Variants in IREB2 observed in about 807,000 individuals in gnomAD.
The protein encoded by IREB2 is iron-responsive element-binding protein 2.
Under a neutral mutation model 118.8 loss-of-function variants are expected in IREB2, and 39 were observed. The observed-to-expected ratio is 0.33, with a 90% CI of 0.25 to 0.43. The LOEUF (loss-of-function observed/expected upper bound fraction) is 0.43. Among genes scored for constraint, IREB2 ranks in the 20% least tolerant of loss-of-function variants. The pLI is 1.00. For synonymous variants in IREB2, 372 were observed against 392.2 expected (o/e 0.95, Z 0.61); for missense variants, 900 against 1,147.3 (o/e 0.78, Z 3.11).
At chr15:78,441,815 T>G (rs1452355662) in intron 2 of IREB2, among the ~76,000 whole-genome samples, 2 of 152,254 alleles carry the variant, frequency 1.3e-5, no homozygotes, top group African/African-American at 4.8e-5. Flanking sequence ...AATGTAATAA[T>G]AGAATACCTG....
At chr15:78,470,781 A>C (rs1249462262) in intron 6 of IREB2, 180 bp downstream of exon 6, 2 of 360,118 alleles carry the variant, frequency 5.6e-6, no homozygotes, top group Non-Finnish European at 9.6e-6. Context: ...TGCAGCCTCC[A>C]CCTCCTGGGT....
intron 2 of IREB2, among the ~76,000 whole-genome samples, chr15:78,454,965 C>T (rs1415084784): frequency 6.6e-6 from 1 of 152,062 alleles, no homozygotes; most frequent in African/African-American, 2.4e-5. Context: ...GCTGGGATTA[C>T]AGGCATGAGC....
chr15:78,442,050 G>T (rs997041595), intron 2 of IREB2, among the ~76,000 whole-genome samples: 2 of 151,914 alleles, frequency 1.3e-5, no homozygotes, highest in Non-Finnish European at 2.9e-5. Flanking sequence ...GGTACTATAG[G>T]CGTGCATCAC....
chr15:78,454,354 A>G (rs544456797), intron 2 of IREB2, among the ~76,000 whole-genome samples: 28 of 152,338 alleles, frequency 1.8e-4, no homozygotes, highest in African/African-American at 6.3e-4. Context: ...GTAAAAAGAA[A>G]TTGACTACAG....
chr15:78,441,650 A>C (rs2050846168), intron 2 of IREB2, among the ~76,000 whole-genome samples: 1 of 152,224 alleles, frequency 6.6e-6, no homozygotes, highest in African/African-American at 2.4e-5. Context: ...AAACTGTCAA[A>C]AACAACTGTA....
At chr15:78,483,144 G>A (rs2051604575) in intron 10 of IREB2, among the ~76,000 whole-genome samples, 174 bp from the exon 11 acceptor site, 1 of 152,106 alleles carries the variant, frequency 6.6e-6, no homozygotes, top group South Asian at 2.1e-4. Flanking sequence ...ATTTAAATGT[G>A]CTTGTTTTAA....
chr15:78,479,778 A>G (rs1481589843), intron 10 of IREB2, among the ~76,000 whole-genome samples: 1 of 152,192 alleles, frequency 6.6e-6, no homozygotes, highest in East Asian at 1.9e-4. Context: ...GAAATTATCC[A>G]GGAGTAGTGG....
chr15:78,500,218 T>G lies in IREB2; in HGVS notation c.*2075T>G, dbSNP rs972178662. 2 of 152,196 alleles carry G rather than the reference T, an allele frequency of 1.3e-5. No individual in the cohort carries two copies. Among genetic ancestry groups the G allele is most frequent in the African/African-American group, 4.8e-5 (2 of 41,434 alleles). 9.4% of individuals were successfully genotyped at this position (152,196 alleles called of 1,614,324 possible). The stretch of plus-strand genomic sequence containing the variant: ...GGCACAGGCATCCTCAGCAGCTGAT[T>G]CAGGAGATGATGGTAAAGCTAGCTA... On this transcript the variant is annotated 3_prime_UTR_variant, in exon 22 of 22. Coordinates refer to ENST00000258886, the MANE Select transcript of IREB2 (RefSeq NM_004136.4).
intron 2 of IREB2, among the ~76,000 whole-genome samples, chr15:78,450,824 T>TTG (rs35092289): frequency 0.07 from 9,407 of 133,970 alleles, 306 homozygotes; most frequent in East Asian, 0.084. Flanking sequence ...ATTAACAAAT[T>TTG]TGTGTGTGTG....
At chr15:78,458,879 G>A (rs1241557911) in intron 2 of IREB2, among the ~76,000 whole-genome samples, 2 of 151,438 alleles carry the variant, frequency 1.3e-5, no homozygotes, top group African/African-American at 2.4e-5. Flanking sequence ...GGCAAGATCA[G>A]CCTTGACTTC....
Position 78,478,456 on chromosome 15 carries a change from G to A in IREB2, c.1296+59G>A, listed in dbSNP as rs952238518. The stretch of plus-strand genomic sequence containing the variant: ...GTGTAAATTGTGGTGTAATCCCAGC[G>A]CTTTGAAAGGTTGGGGTGGGTTGAT... On this transcript the variant is annotated intron_variant, in intron 10 of 21. Transcript: ENST00000258886. 2.3e-5 allele frequency: 24 copies of A among 1,057,006 alleles called. No individual in the cohort carries two copies. In the East Asian group the frequency reaches 3.4e-4, roughly 15 times the overall value. The allele number at this position is 1,057,006 out of a possible 1,614,324, so 65.5% of individuals were successfully genotyped here.
At chr15:78,446,284 C>T (rs1345456984) in intron 2 of IREB2, among the ~76,000 whole-genome samples, 1 of 152,180 alleles carries the variant, frequency 6.6e-6, no homozygotes, top group African/African-American at 2.4e-5. Flanking sequence ...CTTTACCTAA[C>T]ATCATCCTAC....
intron 10 of IREB2, 84 bp downstream of exon 10, chr15:78,478,481 T>C (rs1596005992): frequency 1.2e-6 from 1 of 811,398 alleles, no homozygotes; most frequent in Non-Finnish European, 2.1e-6. Flanking sequence ...GGTGGGTTGA[T>C]TGTTTGAGTT....
At chr15:78,463,178 C>A in intron 3 of IREB2, 91 bp downstream of exon 3, 2 of 1,091,678 alleles carry the variant, frequency 1.8e-6, no homozygotes, top group Non-Finnish European at 2.6e-6. Context: ...GTTGTTCATA[C>A]CTCTAATCCC....
At chr15:78,476,150 T>A (rs1272572671) in intron 8 of IREB2, 38 bp from the exon 9 acceptor site, 1 of 1,461,358 alleles carries the variant, frequency 6.8e-7, no homozygotes, top group Admixed American at 2.0e-5. Context: ...ATCTTATCTT[T>A]GCAATTTTGT....
At chr15:78,450,822 ATTTG>A (rs1219748189) in intron 2 of IREB2, among the ~76,000 whole-genome samples, 12 of 121,308 alleles carry the variant, frequency 9.9e-5, no homozygotes, top group Middle Eastern at 3.8e-3. Context: ...ATATTAACAA[ATTTG>A]TGTGTGTGTG....
At chr15:78,468,141 ACT>A (rs1347606032) in intron 5 of IREB2, among the ~76,000 whole-genome samples, 1 of 152,216 alleles carries the variant, frequency 6.6e-6, no homozygotes, top group Non-Finnish European at 1.5e-5. Context: ...AGCATGAGCT[ACT>A]GTGCCCAGCC....
intron 2 of IREB2, among the ~76,000 whole-genome samples, chr15:78,451,735 G>T (rs1343098209): frequency 6.6e-6 from 1 of 151,872 alleles, no homozygotes; most frequent in African/African-American, 2.4e-5. Flanking sequence ...AGTCTCCCAG[G>T]CTGGAGTGCA....
At chr15:78,468,091 TG>T (rs1249052112) in intron 5 of IREB2, among the ~76,000 whole-genome samples, 1 of 152,194 alleles carries the variant, frequency 6.6e-6, no homozygotes. Flanking sequence ...TGGCCTCAAG[TG>T]ATGCTTCCAC....
Sources: allele counts gnomAD v4.1 joint callset (sites outside exome capture counted in the v4.1 genomes callset), GRCh38; gene constraint gnomAD v4.1.1; transcripts MANE v1.5; gene names NCBI Gene and HGNC (gene_info 2026-07-23, HGNC 2026-07-21).